SEL1L2: variants seen among roughly 807,000 people sequenced by gnomAD.
SEL1L2 encodes the protein protein sel-1 homolog 2.
A neutral mutation model predicts 98.8 loss-of-function variants in SEL1L2; 89 were observed. The observed-to-expected ratio is 0.90, with a 90% CI of 0.76 to 1.07. The LOEUF (loss-of-function observed/expected upper bound fraction) is 1.07, where lower values mean the gene tolerates loss of function less well. Ranked by LOEUF, SEL1L2 falls within the 50% of genes least tolerant of loss-of-function variation. SEL1L2 has a pLI of 0.00. For missense variants in SEL1L2, 788 were observed against 812.0 expected, an observed-to-expected ratio of 0.97 and a Z score of 0.36; for synonymous variants, 262 against 278.5, an observed-to-expected ratio of 0.94 and a Z score of 0.59.
intron 18 of SEL1L2, among the ~76,000 whole-genome samples, chr20:13,854,401 G>A (rs893118932): frequency 2.0e-5 from 3 of 152,090 alleles, no homozygotes; most frequent in African/African-American, 7.2e-5. Context: ...GTACTCCATG[G>A]TACAAAAATA....
At chr20:13,971,396 AGTTTT>A (rs761504121) in intron 1 of SEL1L2, among the ~76,000 whole-genome samples, 1 of 151,972 alleles carries the variant, frequency 6.6e-6, no homozygotes, top group Non-Finnish European at 1.5e-5. Flanking sequence ...CTATTTTTAT[AGTTTT>A]GTTTTTACAA....
At chr20:13,917,782 CTTTCTTTTTTTT>C (rs2048469228) in intron 4 of SEL1L2, among the ~76,000 whole-genome samples, 2 of 71,120 alleles carry the variant, frequency 2.8e-5, no homozygotes, top group African/African-American at 1.2e-4. Flanking sequence ...TTATTTCTTT[CTTTCTTTTTTTT>C]TTTTTTTTTT....
chr20:13,917,765 ACTTTCTTTATTT>A (rs1555883482), intron 4 of SEL1L2, among the ~76,000 whole-genome samples: 1 of 110,412 alleles, frequency 9.1e-6, no homozygotes, highest in Non-Finnish European at 1.8e-5. Flanking sequence ...CAGGGCCCAT[ACTTTCTTTATTT>A]CTTTCTTTCT....
intron 17 of SEL1L2, among the ~76,000 whole-genome samples, chr20:13,864,432 A>T (rs1361458980): frequency 6.6e-6 from 1 of 152,210 alleles, no homozygotes; most frequent in African/African-American, 2.4e-5. Context: ...GAGAGTTTTC[A>T]CATATCCAAA....
At chr20:13,994,979 T>C (rs1280485374), upstream of SEL1L2, 1 of 152,250 alleles carries the variant, frequency 6.6e-6, no homozygotes, top group Non-Finnish European at 1.5e-5. Flanking sequence ...TTCATTTCTT[T>C]TGGTCTTTTT....
chr20:13,922,846 T>C (rs1291959746), intron 3 of SEL1L2, among the ~76,000 whole-genome samples: 3 of 152,218 alleles, frequency 2.0e-5, no homozygotes, highest in Admixed American at 6.5e-5. Flanking sequence ...AACTTACGTA[T>C]TAAGATTTTA....
chr20:13,861,369 A>C (rs1432839355), intron 17 of SEL1L2, among the ~76,000 whole-genome samples: 1 of 151,646 alleles, frequency 6.6e-6, no homozygotes, highest in Non-Finnish European at 1.5e-5. Context: ...TTGTCTCGAA[A>C]TCCTGGGCTC....
chr20:13,917,697 CCT>C (rs958238419), intron 4 of SEL1L2, among the ~76,000 whole-genome samples: 85 of 151,636 alleles, frequency 5.6e-4, no homozygotes, highest in African/African-American at 1.9e-3. Flanking sequence ...GGGATGCTTT[CCT>C]CTGACTGGTG....
At chr20:13,990,442 C>CCCT in intron 1 of SEL1L2, 35 bp downstream of exon 1, 1 of 1,438,440 alleles carries the variant, frequency 7.0e-7, no homozygotes, top group East Asian at 2.3e-5. Flanking sequence ...AGAGAAGAGA[C>CCCT]CCTCATAGAG....
intron 18 of SEL1L2, among the ~76,000 whole-genome samples, chr20:13,850,996 G>A (rs1196364321): frequency 6.6e-6 from 1 of 152,134 alleles, no homozygotes; most frequent in African/African-American, 2.4e-5. Context: ...CAGTACTTTG[G>A]GAGGCCAAGG....
chr20:13,933,962 G>GTT lies in SEL1L2; in HGVS notation c.115-2192_115-2191insAA, dbSNP rs1477727622. Among the ~76,000 whole-genome samples, 328 of 16,434 alleles carry GTT rather than the reference G, an allele frequency of 0.02. 3 individuals carry two copies. The East Asian group carries it at 0.28, about 14-fold the overall frequency. The allele number at this position is 16,434 out of a possible 152,430, so 10.8% of individuals were successfully genotyped here. A position where few individuals can be genotyped will look rare whatever the true frequency, so the allele number is the denominator to read the frequency against. On this transcript the variant is annotated intron_variant, in intron 2 of 19. Transcript: ENST00000284951. ...GTACATAATAGCTCAGTAAACCTAA[G>GTT]GTTTTTTTTTTTTTTAATTTCCACA... is the stretch of plus-strand genomic sequence containing the variant.
intron 2 of SEL1L2, among the ~76,000 whole-genome samples, chr20:13,948,498 G>GTCT (rs1435829751): frequency 6.6e-6 from 1 of 152,188 alleles, no homozygotes; most frequent in African/African-American, 2.4e-5. Flanking sequence ...AGACCATTCA[G>GTCT]TGGAGAAAGA....
At chr20:13,977,437 T>C (rs1245316436) in intron 1 of SEL1L2, among the ~76,000 whole-genome samples, 1 of 152,210 alleles carries the variant, frequency 6.6e-6, no homozygotes, top group African/African-American at 2.4e-5. Flanking sequence ...GCTGGATTGG[T>C]AATCAATGAG....
intron 17 of SEL1L2, among the ~76,000 whole-genome samples, chr20:13,862,949 G>C (rs990858552): frequency 1.3e-5 from 2 of 152,004 alleles, no homozygotes; most frequent in African/African-American, 4.8e-5. Context: ...CTCCCACCTC[G>C]GTCTCCCAAA....
At chr20:13,943,205 C>T (rs2049860013) in intron 2 of SEL1L2, among the ~76,000 whole-genome samples, 1 of 152,014 alleles carries the variant, frequency 6.6e-6, no homozygotes, top group African/African-American at 2.4e-5. Context: ...TAGACAGCTT[C>T]CTAAGGGTAA....
At chr20:13,907,704 T>TTCTC (rs1220407437) in intron 5 of SEL1L2, among the ~76,000 whole-genome samples, 1 of 59,708 alleles carries the variant, frequency 1.7e-5, no homozygotes, top group Non-Finnish European at 3.4e-5. Context: ...TTCTTTCTCT[T>TTCTC]TCTTTCTTTC....
At chr20:13,888,818 T>TG (rs2047077023) in intron 5 of SEL1L2, among the ~76,000 whole-genome samples, 1 of 149,996 alleles carries the variant, frequency 6.7e-6, no homozygotes, top group Non-Finnish European at 1.5e-5. Flanking sequence ...TTTTTTTTTT[T>TG]TGTATTTTTA....
chr20:13,906,023 C>T (rs1465288398), intron 5 of SEL1L2, among the ~76,000 whole-genome samples: 1 of 151,882 alleles, frequency 6.6e-6, no homozygotes, highest in African/African-American at 2.4e-5. Context: ...TACAAGCATG[C>T]ACCACCATAC....
intron 2 of SEL1L2, among the ~76,000 whole-genome samples, chr20:13,948,760 C>T (rs2050128990): frequency 6.6e-6 from 1 of 152,300 alleles, no homozygotes; most frequent in South Asian, 2.1e-4. Flanking sequence ...GCATGCCACA[C>T]AGAAAGCCAC....
Sources: gnomAD v4.1 joint callset for allele counts (sites outside exome capture counted in the v4.1 genomes callset) on GRCh38, gnomAD v4.1.1 for gene constraint, MANE v1.5 for transcripts, NCBI Gene and HGNC (gene_info 2026-07-23, HGNC 2026-07-21) for gene names.